Variants in CTIF observed in about 807,000 individuals in gnomAD.
CTIF encodes cap binding complex dependent translation initiation factor, also known as CBP80/20-dependent translation initiation factor.
A neutral mutation model predicts 66.0 loss-of-function variants in CTIF; 21 were observed. The observed-to-expected ratio is 0.32, with a 90% CI of 0.23 to 0.46. The LOEUF is 0.46. Ranked by LOEUF, CTIF falls within the 20% of genes least tolerant of loss-of-function variation. CTIF has a pLI of 1.00. For missense variants in CTIF, 739 were observed against 812.7 expected (o/e 0.91, Z 1.10); for synonymous variants, 345 against 326.4 (o/e 1.06, Z -0.62).
chr18:48,732,179 G>A (rs2092462493), intron 7 of CTIF, among the ~76,000 whole-genome samples: 1 of 152,210 alleles, frequency 6.6e-6, no homozygotes, highest in Non-Finnish European at 1.5e-5. Context: ...GCCTATCCAA[G>A]CAGGACTCCC....
rs2090913589 is a variant in CTIF at position 48,640,801 on chromosome 18, C to A, written c.252+4116C>A. Among the ~76,000 whole-genome samples the A allele has an allele frequency of 2.0e-5, 3 of 152,244 alleles. No homozygotes were observed. In the South Asian group the frequency reaches 6.2e-4, roughly 32 times the overall value. On this transcript the variant is annotated intron_variant, in intron 3 of 11. Transcript: ENST00000256413. ...TACACTGGGATGATTGATTCATCCC[C>A]AGCAGGCTTCCAGCCTCATCCTGTT... is the stretch of plus-strand genomic sequence containing the variant.
intron 1 of CTIF, among the ~76,000 whole-genome samples, chr18:48,608,430 A>G (rs1036700404): frequency 2.0e-5 from 3 of 150,962 alleles, no homozygotes; most frequent in Non-Finnish European, 3.0e-5. Flanking sequence ...GGCGGTAGCA[A>G]TCTCTGCTTT....
chr18:48,660,405 G>T (rs1321340728), intron 3 of CTIF, among the ~76,000 whole-genome samples: 1 of 152,206 alleles, frequency 6.6e-6, no homozygotes, highest in African/African-American at 2.4e-5. Context: ...CTGATCACAG[G>T]GCTGTTCTGC....
At chr18:48,651,158 T>C (rs2091148708) in intron 3 of CTIF, among the ~76,000 whole-genome samples, 1 of 152,188 alleles carries the variant, frequency 6.6e-6, no homozygotes, top group African/African-American at 2.4e-5. Context: ...TAACCTTGAA[T>C]GTAAATGAGC....
intron 7 of CTIF, among the ~76,000 whole-genome samples, chr18:48,715,152 T>C (rs1422583891): frequency 6.6e-6 from 1 of 152,184 alleles, no homozygotes; most frequent in African/African-American, 2.4e-5. Context: ...GAGCCTGGGC[T>C]AGCAGGGAAG....
chr18:48,648,333 C>T (rs1568102891), intron 3 of CTIF, among the ~76,000 whole-genome samples: 2 of 152,180 alleles, frequency 1.3e-5, no homozygotes, highest in Non-Finnish European at 2.9e-5. Context: ...CTTTCCCTCT[C>T]CCAGACTCAG....
intron 10 of CTIF, among the ~76,000 whole-genome samples, chr18:48,820,724 G>T (rs559037043): frequency 6.6e-6 from 1 of 152,160 alleles, no homozygotes. Context: ...CATCCCCTGC[G>T]TCTGTACCCC....
intron 10 of CTIF, among the ~76,000 whole-genome samples, chr18:48,852,902 C>G (rs2069240423): frequency 6.6e-6 from 1 of 152,166 alleles, no homozygotes; most frequent in Admixed American, 6.5e-5. Flanking sequence ...TCTACAAGCA[C>G]TCTATGTTTG....
chr18:48,829,741 A>G (rs2068652043), intron 10 of CTIF, among the ~76,000 whole-genome samples: 1 of 152,236 alleles, frequency 6.6e-6, no homozygotes, highest in Non-Finnish European at 1.5e-5. Context: ...CCCTGCACTA[A>G]GAGCCGAGGG....
chr18:48,680,294 CA>C (rs916037323), intron 6 of CTIF, among the ~76,000 whole-genome samples: 2 of 152,262 alleles, frequency 1.3e-5, no homozygotes, highest in Non-Finnish European at 2.9e-5. Flanking sequence ...TGATGAGTAT[CA>C]GAGGGCTTAA....
intron 6 of CTIF, among the ~76,000 whole-genome samples, chr18:48,674,170 G>A (rs2091586876): frequency 6.6e-6 from 1 of 152,212 alleles, no homozygotes; most frequent in African/African-American, 2.4e-5. Context: ...GATCACATAA[G>A]ATACAGTTCC....
chr18:48,555,658 T>C (rs958582410), intron 1 of CTIF, among the ~76,000 whole-genome samples: 2 of 152,208 alleles, frequency 1.3e-5, no homozygotes, highest in Non-Finnish European at 2.9e-5. Flanking sequence ...TCTTTTTTGC[T>C]CAGGAAGCAG....
At chr18:48,604,984 T>TC (rs2090176512) in intron 1 of CTIF, among the ~76,000 whole-genome samples, 1 of 152,246 alleles carries the variant, frequency 6.6e-6, no homozygotes, top group Non-Finnish European at 1.5e-5. Context: ...TGAGTAATAT[T>TC]CCATTGCATG....
Position 48,639,364 on chromosome 18 carries a change from G to A in CTIF, c.252+2679G>A, listed in dbSNP as rs1017006593. Among the ~76,000 whole-genome samples the A allele has an allele frequency of 2.6e-5, 4 of 152,330 alleles. No homozygotes were observed. The South Asian group carries it at 8.3e-4, about 32-fold the overall frequency. On this transcript the variant is annotated intron_variant, in intron 3 of 11. Transcript: ENST00000256413. Reference sequence around the variant, plus strand: ...AAGCCAGGGACCTGCCTTCAAGGGCGTCACTGCTAAGTGGGAAGGACAAGA... The same window carrying A: ...AAGCCAGGGACCTGCCTTCAAGGGCATCACTGCTAAGTGGGAAGGACAAGA...
chr18:48,694,773 C>T (rs1183706576), intron 6 of CTIF, among the ~76,000 whole-genome samples: 1 of 152,204 alleles, frequency 6.6e-6, no homozygotes, highest in African/African-American at 2.4e-5. Flanking sequence ...CAACCAGTCT[C>T]CTTAAAGCAT....
intron 8 of CTIF, among the ~76,000 whole-genome samples, chr18:48,759,518 G>T (rs1196200705): frequency 6.6e-6 from 1 of 152,014 alleles, no homozygotes; most frequent in Non-Finnish European, 1.5e-5. Context: ...GTAACTGCAG[G>T]GCAGCAGAGT....
intron 7 of CTIF, among the ~76,000 whole-genome samples, chr18:48,749,934 C>T (rs2145809914): frequency 6.6e-6 from 1 of 152,316 alleles, no homozygotes; most frequent in South Asian, 2.1e-4. Flanking sequence ...CGAGGGCCTT[C>T]CCCTGGAAAC....
chr18:48,648,847 T>C (rs2091101992), intron 3 of CTIF, among the ~76,000 whole-genome samples: 2 of 152,152 alleles, frequency 1.3e-5, no homozygotes, highest in Admixed American at 1.3e-4. Flanking sequence ...AGGCTGGGCG[T>C]GGTGGCTCAC....
At chr18:48,607,169 C>G (rs901796212) in intron 1 of CTIF, among the ~76,000 whole-genome samples, 1 of 152,178 alleles carries the variant, frequency 6.6e-6, no homozygotes, top group Non-Finnish European at 1.5e-5. Context: ...GCAGAGGCAG[C>G]TGTGCTGTGT....
Sources: gnomAD v4.1 joint callset for allele counts (sites outside exome capture counted in the v4.1 genomes callset) on GRCh38, gnomAD v4.1.1 for gene constraint, MANE v1.5 for transcripts, NCBI Gene and HGNC (gene_info 2026-07-23, HGNC 2026-07-21) for gene names.